Variants in GPC5 observed in about 807,000 individuals in gnomAD.
GPC5 encodes glypican-5.
Under a neutral mutation model 53.9 loss-of-function variants are expected in GPC5, and 47 were observed. The observed-to-expected ratio is 0.87, with a 90% CI of 0.69 to 1.11. GPC5 has a LOEUF of 1.11. Ranked by LOEUF, GPC5 falls within the 50% of genes most tolerant of loss-of-function variation. The pLI is 0.00. For missense variants in GPC5, 748 were observed against 713.1 expected (o/e 1.05, Z -0.56); for synonymous variants, 286 against 263.3 (o/e 1.09, Z -0.84).
chr13:91,822,360 C>T (rs879827916), intron 5 of GPC5, among the ~76,000 whole-genome samples: 1 of 152,154 alleles, frequency 6.6e-6, no homozygotes, highest in African/African-American at 2.4e-5. Context: ...TCATTTGCTG[C>T]ACTTTTGTCT....
chr13:92,548,000 T>TG (rs1566287659), intron 7 of GPC5, among the ~76,000 whole-genome samples: 1 of 149,378 alleles, frequency 6.7e-6, no homozygotes, highest in African/African-American at 2.4e-5. Flanking sequence ...TGGCTAATTT[T>TG]TTTTTTTTTT....
chr13:91,399,111 C>T lies in GPC5; in HGVS notation c.65C>T (p.Ala22Val). ...CTCCTTCTGGCCCTGGTTGGGTCCG[C>T]CCGCAGCGAGGGCGTGCAGACCTGC... Reference protein sequence around the residue: ...CLLLLALVGSARSEGVQTCEE... With the variant: ...CLLLLALVGSVRSEGVQTCEE... The change falls in exon 1 of 8, where the codon GCC becomes GTC. Residue 22 changes from alanine to valine, a missense_variant. By Grantham distance (64) the Ala-to-Val change is moderately conservative. Transcript: ENST00000377067. The T allele has an allele frequency of 6.2e-7, 1 of 1,606,218 alleles. No homozygotes were observed.
intron 7 of GPC5, among the ~76,000 whole-genome samples, chr13:92,422,853 C>A (rs374433035): frequency 6.6e-6 from 1 of 152,238 alleles, no homozygotes; most frequent in African/African-American, 2.4e-5. Flanking sequence ...ATATGAGTCA[C>A]ACCATCAAAG....
At chr13:92,461,354 G>A (rs796392146) in intron 7 of GPC5, among the ~76,000 whole-genome samples, 2 of 152,150 alleles carry the variant, frequency 1.3e-5, no homozygotes, top group South Asian at 2.1e-4. Flanking sequence ...CTCTCATGGA[G>A]CTTTTGTGTA....
intron 5 of GPC5, among the ~76,000 whole-genome samples, chr13:91,763,810 C>T (rs2037466440): frequency 6.6e-6 from 1 of 152,236 alleles, no homozygotes. Context: ...ATAGTCACCC[C>T]TTGGTATCCA....
At chr13:92,142,916 A>T (rs1310616361) in intron 6 of GPC5, among the ~76,000 whole-genome samples, 1 of 152,212 alleles carries the variant, frequency 6.6e-6, no homozygotes, top group Non-Finnish European at 1.5e-5. Context: ...GAAAAATTAT[A>T]AATCATATAA....
chr13:91,780,099 A>G (rs767040932), intron 5 of GPC5, among the ~76,000 whole-genome samples: 6 of 152,224 alleles, frequency 3.9e-5, no homozygotes, highest in Non-Finnish European at 7.3e-5. Context: ...ACATTGCACT[A>G]TGATGTTATA....
intron 5 of GPC5, among the ~76,000 whole-genome samples, chr13:91,763,854 C>G (rs2037467667): frequency 6.6e-6 from 1 of 152,032 alleles, no homozygotes; most frequent in African/African-American, 2.4e-5. Flanking sequence ...TCTCAGGTAC[C>G]AGAACTCAAG....
chr13:92,404,002 A>C (rs1358796654), intron 7 of GPC5, among the ~76,000 whole-genome samples: 3 of 152,194 alleles, frequency 2.0e-5, no homozygotes, highest in African/African-American at 7.2e-5. Context: ...ATTAGTTAGC[A>C]GTATTGTATT....
At chr13:92,205,357 C>T (rs2042326252) in intron 7 of GPC5, among the ~76,000 whole-genome samples, 1 of 152,120 alleles carries the variant, frequency 6.6e-6, no homozygotes, top group Non-Finnish European at 1.5e-5. Flanking sequence ...TCTTCCAGGT[C>T]TCCATCATGC....
At chr13:91,552,615 G>A (rs1355896767) in intron 2 of GPC5, among the ~76,000 whole-genome samples, 2 of 152,214 alleles carry the variant, frequency 1.3e-5, no homozygotes, top group Admixed American at 6.5e-5. Context: ...AAAGGAATAG[G>A]TTGGGCTGGT....
intron 7 of GPC5, among the ~76,000 whole-genome samples, chr13:92,590,682 C>T (rs919549172): frequency 9.2e-5 from 14 of 152,214 alleles, no homozygotes; most frequent in African/African-American, 3.1e-4. Flanking sequence ...TCTCAGCCCA[C>T]GTTGTTATTG....
At chr13:92,241,485 G>A (rs1407256241) in intron 7 of GPC5, 2 of 152,098 alleles carry the variant, frequency 1.3e-5, no homozygotes. Flanking sequence ...AAATAGAAGG[G>A]AATAGTTTTT....
At chr13:91,934,636 C>T (rs1348444155) in intron 6 of GPC5, among the ~76,000 whole-genome samples, 2 of 151,836 alleles carry the variant, frequency 1.3e-5, no homozygotes, top group Non-Finnish European at 2.9e-5. Context: ...ACAAACACTG[C>T]CCCTTTTTGG....
chr13:92,551,244 C>G (rs1042952069), intron 7 of GPC5, among the ~76,000 whole-genome samples: 2 of 151,110 alleles, frequency 1.3e-5, no homozygotes, highest in African/African-American at 4.9e-5. Flanking sequence ...CCTCCCTCAC[C>G]TAAACTATGA....
chr13:91,437,176 A>G (rs1022398837), intron 1 of GPC5, among the ~76,000 whole-genome samples: 1 of 152,180 alleles, frequency 6.6e-6, no homozygotes, highest in African/African-American at 2.4e-5. Context: ...TGGAGCATTT[A>G]GCCCATTTAC....
chr13:92,382,862 G>C (rs1042385302), intron 7 of GPC5, among the ~76,000 whole-genome samples: 14 of 151,964 alleles, frequency 9.2e-5, no homozygotes, highest in African/African-American at 3.4e-4. Flanking sequence ...AATTAGCCAG[G>C]CGCGGTGGCG....
At chr13:91,525,401 A>G (rs1334721147) in intron 2 of GPC5, among the ~76,000 whole-genome samples, 2 of 152,192 alleles carry the variant, frequency 1.3e-5, no homozygotes, top group Admixed American at 6.5e-5. Context: ...CTTAGGTTAT[A>G]TATTTCATTA....
intron 7 of GPC5, among the ~76,000 whole-genome samples, chr13:92,254,308 C>G (rs1379209240): frequency 2.0e-5 from 3 of 152,012 alleles, no homozygotes; most frequent in Non-Finnish European, 4.4e-5. Flanking sequence ...TATTCACTAA[C>G]GAATACATTA....
Sources: gnomAD v4.1 joint callset for allele counts (sites outside exome capture counted in the v4.1 genomes callset) on GRCh38, gnomAD v4.1.1 for gene constraint, MANE v1.5 for transcripts, NCBI Gene and HGNC (gene_info 2026-07-23, HGNC 2026-07-21) for gene names.